Variants in PTPRD observed in about 807,000 individuals in gnomAD.
The protein encoded by PTPRD is receptor-type tyrosine-protein phosphatase delta.
A neutral mutation model predicts 214.5 loss-of-function variants in PTPRD; 34 were observed. The observed-to-expected ratio is 0.16, with a 90% CI of 0.12 to 0.21. The LOEUF (loss-of-function observed/expected upper bound fraction) is 0.21, where lower values mean the gene tolerates loss of function less well. Among genes scored for constraint, PTPRD ranks in the 10% least tolerant of loss-of-function variants. The pLI is 1.00. For synonymous variants in PTPRD, 1,128 were observed against 845.7 expected (o/e 1.33, Z -5.79); for missense variants, 2,545 against 2,398.7 (o/e 1.06, Z -1.27).
At chr9:10,055,503 G>A (rs2097615115) in intron 3 of PTPRD, among the ~76,000 whole-genome samples, 1 of 152,000 alleles carries the variant, frequency 6.6e-6, no homozygotes, top group South Asian at 2.1e-4. Flanking sequence ...TAGCTTTCCT[G>A]AGGCCACAAA....
In PTPRD at chr9:10,210,750, T is replaced by A. The variant is rs1594316944; in HGVS notation, c.-545+130213A>T. ...TATATATAAAATGCTTATATATATT[T>A]AAAATGTTTATATATAATGTTTATA... On this transcript the variant is annotated intron_variant, in intron 3 of 45. Transcript: ENST00000381196. Among the ~76,000 whole-genome samples, 7 of 88,552 alleles carry A rather than the reference T, an allele frequency of 7.9e-5. No homozygotes were observed. The South Asian group carries it at 2.0e-3, about 25-fold the overall frequency. The allele number at this position is 88,552 out of a possible 152,430, so 58.1% of individuals were successfully genotyped here.
intron 14 of PTPRD, among the ~76,000 whole-genome samples, chr9:8,566,108 G>GTGTGTGTGTGTGTGTA (rs2089018377): frequency 9.5e-6 from 1 of 105,252 alleles, no homozygotes; most frequent in Non-Finnish European, 2.4e-5. Flanking sequence ...ATATGTGTGT[G>GTGTGTGTGTGTGTGTA]TGTGTGTGTG....
At chr9:8,709,558 C>G (rs1410669221) in intron 12 of PTPRD, among the ~76,000 whole-genome samples, 1 of 150,084 alleles carries the variant, frequency 6.7e-6, no homozygotes, top group African/African-American at 2.4e-5. Flanking sequence ...AAGAAAAATG[C>G]TAACAGAATG....
intron 8 of PTPRD, among the ~76,000 whole-genome samples, chr9:9,410,483 C>T (rs1297563784): frequency 2.6e-5 from 4 of 152,148 alleles, no homozygotes; most frequent in South Asian, 2.1e-4. Flanking sequence ...CAGAAATACA[C>T]AAGCATTCCC....
chr9:10,595,026 C>A lies in PTPRD; in HGVS notation c.-600+17372G>T, dbSNP rs1051690974. Among the ~76,000 whole-genome samples the A allele has an allele frequency of 3.9e-5, 5 of 129,084 alleles. No homozygotes were observed. The East Asian group carries it at 1.1e-3, about 29-fold the overall frequency. 84.7% of individuals were successfully genotyped at this position (129,084 alleles called of 152,430 possible). On this transcript the variant is annotated intron_variant, in intron 2 of 45. Transcript: ENST00000381196. ...CAGGTTGACTTAATTATTCAAATAA[C>A]TATTTATAGGCGATAATTAGACCAT...
chr9:8,630,255 G>C (rs2096209696), intron 14 of PTPRD, among the ~76,000 whole-genome samples: 1 of 151,806 alleles, frequency 6.6e-6, no homozygotes, highest in Non-Finnish European at 1.5e-5. Flanking sequence ...GCAGAACAGA[G>C]TGCCTGAGTG....
chr9:9,418,803 C>G (rs1267397150), intron 8 of PTPRD, among the ~76,000 whole-genome samples: 1 of 151,838 alleles, frequency 6.6e-6, no homozygotes, highest in Non-Finnish European at 1.5e-5. Context: ...GTAGCAATAT[C>G]ACTATATTTG....
intron 2 of PTPRD, among the ~76,000 whole-genome samples, chr9:10,414,936 A>T (rs542668397): frequency 6.6e-6 from 1 of 151,764 alleles, no homozygotes; most frequent in Non-Finnish European, 1.5e-5. Flanking sequence ...TTGAGGGTGA[A>T]GGATGGGAAG....
At chr9:10,254,591 A>G (rs1047393993) in intron 3 of PTPRD, among the ~76,000 whole-genome samples, 2 of 152,196 alleles carry the variant, frequency 1.3e-5, no homozygotes, top group African/African-American at 2.4e-5. Flanking sequence ...GACAATCGAG[A>G]TGACTGAAGA....
At chr9:10,579,493 C>T (rs763027567) in intron 2 of PTPRD, among the ~76,000 whole-genome samples, 2 of 152,192 alleles carry the variant, frequency 1.3e-5, no homozygotes, top group Admixed American at 6.5e-5. Flanking sequence ...ATATGTACCA[C>T]ATTTTCTTTA....
intron 5 of PTPRD, among the ~76,000 whole-genome samples, chr9:9,893,690 A>G (rs1159231804): frequency 6.6e-6 from 1 of 152,158 alleles, no homozygotes; most frequent in Non-Finnish European, 1.5e-5. Flanking sequence ...AGTTTGAAAT[A>G]CCATTAAGAT....
chr9:8,601,321 C>T (rs1209130259), intron 14 of PTPRD, among the ~76,000 whole-genome samples: 3 of 152,314 alleles, frequency 2.0e-5, no homozygotes, highest in East Asian at 3.9e-4. Flanking sequence ...GCAGAACTCA[C>T]CACCCTTAAA....
At chr9:10,557,416 T>C (rs2062861810) in intron 2 of PTPRD, among the ~76,000 whole-genome samples, 1 of 152,250 alleles carries the variant, frequency 6.6e-6, no homozygotes, top group Non-Finnish European at 1.5e-5. Context: ...CCCTAACCTT[T>C]CTCTTTCATT....
chr9:9,054,290 T>C (rs892128644), intron 10 of PTPRD, among the ~76,000 whole-genome samples: 4 of 152,192 alleles, frequency 2.6e-5, no homozygotes, highest in East Asian at 1.9e-4. Flanking sequence ...AGGAATTCAA[T>C]ATATTGAGAC....
chr9:9,774,850 T>C (rs1453953825), intron 5 of PTPRD, among the ~76,000 whole-genome samples: 2 of 152,226 alleles, frequency 1.3e-5, no homozygotes, highest in African/African-American at 2.4e-5. Flanking sequence ...ATCGTTATAT[T>C]CTTTTGCTGT....
At chr9:9,195,996 T>C (rs1483242125) in intron 9 of PTPRD, among the ~76,000 whole-genome samples, 3 of 152,138 alleles carry the variant, frequency 2.0e-5, no homozygotes, top group African/African-American at 7.2e-5. Flanking sequence ...AATTAAAAGA[T>C]AAAAGGCTGT....
At chr9:9,197,238 C>T (rs904708083) in intron 9 of PTPRD, among the ~76,000 whole-genome samples, 1 of 152,066 alleles carries the variant, frequency 6.6e-6, no homozygotes, top group African/African-American at 2.4e-5. Flanking sequence ...TCACACAAGC[C>T]CAAATCCTAT....
chr9:10,423,236 A>G (rs2098565485), intron 2 of PTPRD, among the ~76,000 whole-genome samples: 1 of 152,008 alleles, frequency 6.6e-6, no homozygotes, highest in Admixed American at 6.6e-5. Flanking sequence ...GTTCTCACTC[A>G]TAGGTGGGAA....
At chr9:10,169,391 G>T (rs933222893) in intron 3 of PTPRD, among the ~76,000 whole-genome samples, 4 of 148,614 alleles carry the variant, frequency 2.7e-5, no homozygotes, top group Non-Finnish European at 5.9e-5. Flanking sequence ...GGAGAATGGC[G>T]TGAACCCCGG....
Sources: allele counts gnomAD v4.1 joint callset (sites outside exome capture counted in the v4.1 genomes callset), GRCh38; gene constraint gnomAD v4.1.1; transcripts MANE v1.5; gene names NCBI Gene and HGNC (gene_info 2026-07-23, HGNC 2026-07-21).